Variants in PDE8A observed in about 807,000 individuals in gnomAD.
PDE8A encodes the protein phosphodiesterase 8A, also known as high affinity cAMP-specific and IBMX-insensitive 3',5'-cyclic phosphodiesterase 8A.
Under a neutral mutation model 105.0 loss-of-function variants are expected in PDE8A, and 59 were observed. The observed-to-expected ratio is 0.56, with a 90% CI of 0.46 to 0.70. PDE8A has a LOEUF of 0.70. Among genes scored for constraint, PDE8A ranks in the 30% least tolerant of loss-of-function variants. The probability of loss-of-function intolerance (pLI) is 0.00; values close to 1 mark genes in which losing one functional copy is unlikely to be tolerated. For missense variants in PDE8A, 1,014 were observed against 1,045.9 expected (o/e 0.97, Z 0.42); for synonymous variants, 355 against 371.9 (o/e 0.95, Z 0.52).
chr15:85,120,658 G>C, intron 17 of PDE8A, 139 bp from the exon 18 acceptor site: 1 of 612,376 alleles, frequency 1.6e-6, no homozygotes, highest in Non-Finnish European at 2.9e-6. Context: ...AGGAAAACTA[G>C]ATTTGCTCAC....
chr15:84,996,034 A>G (rs1348196279), intron 1 of PDE8A, among the ~76,000 whole-genome samples: 1 of 152,148 alleles, frequency 6.6e-6, no homozygotes, highest in Non-Finnish European at 1.5e-5. Context: ...TTTGTTGCCT[A>G]TATCTCTATT....
In PDE8A at chr15:85,134,366, G is replaced by A. The variant is rs190935701; in HGVS notation, c.2254-2168G>A. ...AGAGCGCCCCGCCCAGGGCACTGCT[G>A]TTTGAGCTGGACAGGCCCATGGGGT... On this transcript the variant is annotated intron_variant, in intron 20 of 21. Transcript: ENST00000394553. Among the ~76,000 whole-genome samples the A allele has an allele frequency of 1.1e-4, 16 of 152,304 alleles. No individual in the cohort carries two copies. The East Asian group carries it at 2.9e-3, about 28-fold the overall frequency.
intron 6 of PDE8A, among the ~76,000 whole-genome samples, chr15:85,084,058 T>G (rs938493655): frequency 8.4e-5 from 9 of 107,762 alleles, no homozygotes; most frequent in African/African-American, 1.1e-4. Context: ...GGTTTTTTGG[T>G]TTTTTTTTTT....
At chr15:85,109,279 C>G (rs1037540035) in intron 12 of PDE8A, 149 bp downstream of exon 12, 3 of 516,574 alleles carry the variant, frequency 5.8e-6, no homozygotes, top group African/African-American at 5.8e-5. Flanking sequence ...CTTTCTCCCT[C>G]TCTGTGGACT....
At chr15:85,012,622 A>G (rs978608100) in intron 1 of PDE8A, among the ~76,000 whole-genome samples, 27 of 151,830 alleles carry the variant, frequency 1.8e-4, no homozygotes, top group African/African-American at 5.6e-4. Flanking sequence ...TGGGTGCAGC[A>G]CACCAGCATG....
chr15:85,014,842 G>A (rs959471995), intron 1 of PDE8A, among the ~76,000 whole-genome samples: 4 of 152,114 alleles, frequency 2.6e-5, no homozygotes, highest in Non-Finnish European at 5.9e-5. Flanking sequence ...TATAATCAAA[G>A]TTGTGCAACC....
intron 1 of PDE8A, among the ~76,000 whole-genome samples, chr15:85,040,391 G>C (rs75772637): frequency 1.5e-5 from 2 of 132,960 alleles, no homozygotes; most frequent in Non-Finnish European, 3.3e-5. Flanking sequence ...AAAAAAAAAA[G>C]AAAAGAAAAG....
intron 9 of PDE8A, among the ~76,000 whole-genome samples, chr15:85,098,325 T>C (rs1056995104): frequency 3.3e-5 from 5 of 152,264 alleles, no homozygotes; most frequent in Non-Finnish European, 7.3e-5. Flanking sequence ...GTAAGTTGTG[T>C]GATAATACTG....
intron 4 of PDE8A, among the ~76,000 whole-genome samples, chr15:85,076,472 A>G (rs1205892008): frequency 2.0e-5 from 3 of 151,964 alleles, no homozygotes; most frequent in Admixed American, 1.3e-4. Context: ...TATATATTAA[A>G]AAGATATATG....
chr15:85,007,115 C>T (rs749608671), intron 1 of PDE8A, among the ~76,000 whole-genome samples: 1 of 152,048 alleles, frequency 6.6e-6, no homozygotes, highest in East Asian at 1.9e-4. Flanking sequence ...TGTCCAGTAG[C>T]TACTGATGAG....
At chr15:85,082,650 T>G (rs1017422069) in intron 5 of PDE8A, among the ~76,000 whole-genome samples, 1 of 150,500 alleles carries the variant, frequency 6.6e-6, no homozygotes, top group African/African-American at 2.5e-5. Flanking sequence ...CTGGGGCTTA[T>G]AGATAGTGAT....
At chr15:85,093,707 C>T (rs1451810662) in intron 8 of PDE8A, among the ~76,000 whole-genome samples, 1 of 152,178 alleles carries the variant, frequency 6.6e-6, no homozygotes, top group South Asian at 2.1e-4. Flanking sequence ...ATTTCCAGCC[C>T]CCGCACTTAG....
chr15:85,105,465 T>G (rs1365239396), intron 11 of PDE8A, among the ~76,000 whole-genome samples: 1 of 152,130 alleles, frequency 6.6e-6, no homozygotes, highest in African/African-American at 2.4e-5. Flanking sequence ...CTTCCTCATA[T>G]CCAAACTGGA....
At chr15:85,112,548 C>A (rs1168506752) in intron 12 of PDE8A, among the ~76,000 whole-genome samples, 1 of 152,086 alleles carries the variant, frequency 6.6e-6, no homozygotes, top group African/African-American at 2.4e-5. Context: ...TTAGTTGGGC[C>A]CCCAAATTTA....
intron 3 of PDE8A, among the ~76,000 whole-genome samples, chr15:85,072,374 A>G (rs1411404472): frequency 6.6e-6 from 1 of 152,206 alleles, no homozygotes; most frequent in Admixed American, 6.5e-5. Flanking sequence ...TGAGTCTGGT[A>G]GTTGCCCCCA....
At chr15:84,985,786 A>G (rs188739620) in intron 1 of PDE8A, among the ~76,000 whole-genome samples, 303 of 152,314 alleles carry the variant, frequency 2.0e-3, no homozygotes, top group Non-Finnish European at 3.7e-3. Flanking sequence ...AGGTAAGTAG[A>G]AATAGAAGCC....
intron 12 of PDE8A, 49 bp from the exon 13 acceptor site, chr15:85,113,328 G>GGTGCCCAGAGTTGTGC (rs2082046270): frequency 6.7e-7 from 1 of 1,489,832 alleles, no homozygotes; most frequent in Non-Finnish European, 9.4e-7. Context: ...TGTCAAGACA[G>GGTGCCCAGAGTTGTGC]GTGCCCAGAG....
intron 1 of PDE8A, among the ~76,000 whole-genome samples, chr15:85,037,097 C>G (rs2080720206): frequency 1.3e-5 from 2 of 149,212 alleles, no homozygotes; most frequent in Non-Finnish European, 1.5e-5. Context: ...CGGAGTTTCT[C>G]TCTTGTCGCC....
intron 1 of PDE8A, among the ~76,000 whole-genome samples, chr15:85,052,458 A>G (rs113590147): frequency 1.3e-5 from 2 of 152,084 alleles, no homozygotes; most frequent in African/African-American, 4.8e-5. Context: ...AAGTGTTCCT[A>G]TTTCTCCACA....
Sources: gnomAD v4.1 joint callset for allele counts (sites outside exome capture counted in the v4.1 genomes callset) on GRCh38, gnomAD v4.1.1 for gene constraint, MANE v1.5 for transcripts, NCBI Gene and HGNC (gene_info 2026-07-23, HGNC 2026-07-21) for gene names.